The following RYR3 variants were observed in gnomAD, a reference collection of about 807,000 sequenced individuals.
RYR3 encodes brain ryanodine receptor-calcium release channel.
RYR3 carries 207 observed loss-of-function variants against 584.3 expected under a neutral mutation model. The ratio of observed to expected loss-of-function variants is 0.35; its 90% CI spans 0.32 to 0.40. The LOEUF (loss-of-function observed/expected upper bound fraction) is 0.40. RYR3 is among the 10% of genes least tolerant of loss of function. RYR3 has a pLI of 1.00. For missense variants in RYR3, 5,616 were observed against 6,089.2 expected (o/e 0.92, Z 2.59); for synonymous variants, 2,416 against 2,248.5 (o/e 1.07, Z -2.11).
At chr15:33,479,734 ATAAGGG>A (rs2049790831) in intron 2 of RYR3, among the ~76,000 whole-genome samples, 1 of 152,194 alleles carries the variant, frequency 6.6e-6, no homozygotes, top group African/African-American at 2.4e-5. Flanking sequence ...TCCAGCTTAC[ATAAGGG>A]TAAAGAAGGC....
intron 32 of RYR3, 111 bp from the exon 33 acceptor site, chr15:33,659,609 G>C (rs2063026715): frequency 5.7e-6 from 4 of 703,784 alleles, no homozygotes. Context: ...AGAATGACCA[G>C]ACAGCTAGCA....
chr15:33,817,991 G>A (rs1006666671), intron 75 of RYR3, among the ~76,000 whole-genome samples: 2 of 152,200 alleles, frequency 1.3e-5, no homozygotes, highest in African/African-American at 4.8e-5. Flanking sequence ...AAAGGAGAAG[G>A]GCAAGGCCTG....
chr15:33,389,513 C>T (rs1001796310), intron 1 of RYR3, among the ~76,000 whole-genome samples: 18 of 152,134 alleles, frequency 1.2e-4, no homozygotes, highest in African/African-American at 4.3e-4. Flanking sequence ...TATTTTGTAA[C>T]AATGGGTATC....
At chr15:33,741,981 T>C (rs1182938172) in intron 51 of RYR3, among the ~76,000 whole-genome samples, 1 of 152,202 alleles carries the variant, frequency 6.6e-6, no homozygotes, top group Non-Finnish European at 1.5e-5. Flanking sequence ...TTTCATAACA[T>C]ACGGCTCTCT....
chr15:33,760,075 C>G (rs2072274411), intron 60 of RYR3, among the ~76,000 whole-genome samples: 1 of 152,160 alleles, frequency 6.6e-6, no homozygotes, highest in Admixed American at 6.5e-5. Flanking sequence ...CCTTTACAGA[C>G]AAGCAAATGC....
rs1567295133 is a variant in RYR3 at position 33,464,465 on chromosome 15, T to TAG, written c.52-8953_52-8952insGA. On this transcript the variant is annotated intron_variant, in intron 1 of 103. Coordinates refer to ENST00000634891, the MANE Select transcript of RYR3 (RefSeq NM_001036.6). ...AAGAGAGACTGTAGGGAGGTGGAGA[T>TAG]ATATATATATATATATATATATATA... is the stretch of plus-strand genomic sequence containing the variant. Among the ~76,000 whole-genome samples, 13 of 67,430 alleles carry TAG rather than the reference T, an allele frequency of 1.9e-4. No homozygotes were observed. The East Asian group carries it at 2.2e-3, about 11-fold the overall frequency. 44.2% of individuals were successfully genotyped at this position (67,430 alleles called of 152,430 possible).
At chr15:33,700,565 T>C (rs1035127926) in intron 41 of RYR3, among the ~76,000 whole-genome samples, 7 of 152,288 alleles carry the variant, frequency 4.6e-5, no homozygotes, top group Admixed American at 2.0e-4. Context: ...AAAACAACAT[T>C]GGTGACCTGG....
chr15:33,651,653 C>T (rs565086606), intron 31 of RYR3, among the ~76,000 whole-genome samples: 1 of 152,284 alleles, frequency 6.6e-6, no homozygotes, highest in East Asian at 1.9e-4. Flanking sequence ...CTACCCACCC[C>T]ACAGTGCCAA....
At position 33,840,548 on chromosome 15, in the gene RYR3, T is replaced by C. The variant is rs1265784533; in HGVS notation, c.12979-277T>C. On this transcript the variant is annotated intron_variant, in intron 89 of 103. Coordinates refer to ENST00000634891, the MANE Select transcript of RYR3 (RefSeq NM_001036.6). ...CCTGTGGAGCAGTAGAACCACCGCCTTGAGGCTCTTACAATGTCCTAACAC... is the reference window on the plus strand; with the variant it reads ...CCTGTGGAGCAGTAGAACCACCGCCCTGAGGCTCTTACAATGTCCTAACAC... The C allele has an allele frequency of 2.3e-5, 11 of 470,298 alleles. No individual in the cohort carries two copies. The Admixed American group carries it at 4.1e-4, about 18-fold the overall frequency. 29.1% of individuals were successfully genotyped at this position (470,298 alleles called of 1,614,324 possible).
At chr15:33,653,695 A>G (rs1282798147) in intron 32 of RYR3, among the ~76,000 whole-genome samples, 12 of 152,104 alleles carry the variant, frequency 7.9e-5, no homozygotes. Context: ...ACATTTATAT[A>G]AACAATGTGT....
At chr15:33,695,054 C>A (rs1396927922) in intron 38 of RYR3, among the ~76,000 whole-genome samples, 1 of 152,210 alleles carries the variant, frequency 6.6e-6, no homozygotes, top group African/African-American at 2.4e-5. Flanking sequence ...ACCAGAAGCA[C>A]TGATCTGTTT....
intron 1 of RYR3, among the ~76,000 whole-genome samples, chr15:33,430,428 C>T (rs1451104050): frequency 6.6e-6 from 1 of 152,182 alleles, no homozygotes; most frequent in African/African-American, 2.4e-5. Flanking sequence ...TGAAGATTTT[C>T]TGATTTGCAA....
intron 1 of RYR3, among the ~76,000 whole-genome samples, chr15:33,389,859 T>C (rs964664881): frequency 6.6e-6 from 1 of 152,244 alleles, no homozygotes; most frequent in East Asian, 1.9e-4. Flanking sequence ...TACATGCAGC[T>C]ATTTCACCTT....
rs186030135 is a variant in RYR3 at position 33,375,865 on chromosome 15, C to T, written c.51+64769C>T. Reference sequence around the variant, plus strand: ...GGATCATGAGGTCAGGAGATTGAGACCATCCTGGCTAACACAGTGAAACCC... The same window carrying T: ...GGATCATGAGGTCAGGAGATTGAGATCATCCTGGCTAACACAGTGAAACCC... On this transcript the variant is annotated intron_variant, in intron 1 of 103. Coordinates refer to ENST00000634891, the MANE Select transcript of RYR3 (RefSeq NM_001036.6). 1.5e-3 allele frequency among the ~76,000 whole-genome samples: 232 copies of T among 152,212 alleles called. 2 individuals carry two copies. Among genetic ancestry groups the T allele is most frequent in the African/African-American group, 5.3e-3 (221 of 41,552 alleles).
At chr15:33,807,419 C>A in intron 69 of RYR3, 136 bp from the exon 70 acceptor site, 1 of 856,216 alleles carries the variant, frequency 1.2e-6, no homozygotes, top group Non-Finnish European at 1.9e-6. Flanking sequence ...CTTCCAGAAC[C>A]ATTGAGTTTC....
intron 10 of RYR3, among the ~76,000 whole-genome samples, chr15:33,558,462 G>A (rs888852057): frequency 2.0e-5 from 3 of 151,822 alleles, no homozygotes; most frequent in Admixed American, 6.6e-5. Context: ...ATTCCATGGT[G>A]TATATGTGCC....
intron 63 of RYR3, among the ~76,000 whole-genome samples, chr15:33,773,059 T>C (rs545302878): frequency 6.6e-6 from 1 of 152,318 alleles, no homozygotes; most frequent in Non-Finnish European, 1.5e-5. Context: ...GATAGGCAGA[T>C]GTGAGGGATT....
In RYR3 at chr15:33,732,680, T is replaced by C. The variant is rs367739101; in HGVS notation, c.7424+986T>C. On this transcript the variant is annotated intron_variant, in intron 48 of 103. Transcript: ENST00000634891. ...CCAGTGTTTTTCCTTCTCACCTGCA[T>C]ATCAGAAATGCCTGATGAGTTACGA... is the stretch of plus-strand genomic sequence containing the variant. 2.0e-5 allele frequency among the ~76,000 whole-genome samples: 3 copies of C among 152,184 alleles called. No individual in the cohort carries two copies. The East Asian group carries it at 5.8e-4, about 29-fold the overall frequency.
At chr15:33,623,694 C>T in intron 19 of RYR3, 113 bp from the exon 20 acceptor site, 7 of 754,744 alleles carry the variant, frequency 9.3e-6, no homozygotes, top group Non-Finnish European at 1.5e-5. Flanking sequence ...TCGTTTACTT[C>T]TCAACAAAAT....
Sources: allele counts gnomAD v4.1 joint callset (sites outside exome capture counted in the v4.1 genomes callset), GRCh38; gene constraint gnomAD v4.1.1; transcripts MANE v1.5; gene names NCBI Gene and HGNC (gene_info 2026-07-23, HGNC 2026-07-21).